Variants in TACR1 observed in about 807,000 individuals in gnomAD.
The protein encoded by TACR1 is tachykinin receptor 1.
Under a neutral mutation model 35.8 loss-of-function variants are expected in TACR1, and 25 were observed. The observed-to-expected ratio is 0.70, with a 90% CI of 0.51 to 0.98. TACR1 has a LOEUF of 0.98. TACR1 is among the 50% of genes least tolerant of loss of function. The pLI is 0.00. For synonymous variants in TACR1, 195 were observed against 206.7 expected (o/e 0.94, Z 0.48); for missense variants, 478 against 522.9 (o/e 0.91, Z 0.84).
At chr2:75,074,034 T>C (rs2103820707) in intron 2 of TACR1, among the ~76,000 whole-genome samples, 2 of 152,348 alleles carry the variant, frequency 1.3e-5, no homozygotes, top group African/African-American at 4.8e-5. Context: ...TGATATTATA[T>C]AGTATGGTTA....
chr2:75,170,907 T>C (rs1268968224), intron 1 of TACR1, among the ~76,000 whole-genome samples: 3 of 152,148 alleles, frequency 2.0e-5, no homozygotes, highest in Non-Finnish European at 4.4e-5. Flanking sequence ...CACAAAGATA[T>C]GGTTTGGAAT....
chr2:75,054,357 A>C (rs1672532531), intron 2 of TACR1, among the ~76,000 whole-genome samples: 2 of 152,238 alleles, frequency 1.3e-5, no homozygotes, highest in Non-Finnish European at 2.9e-5. Context: ...GAGAGATAAG[A>C]GTAATCCTAG....
chr2:75,081,852 A>G (rs2103834423), intron 2 of TACR1, among the ~76,000 whole-genome samples: 1 of 151,366 alleles, frequency 6.6e-6, no homozygotes, highest in South Asian at 2.1e-4. Context: ...TGTTAGTTAT[A>G]GGTCTGAGTG....
intron 2 of TACR1, among the ~76,000 whole-genome samples, chr2:75,087,751 C>G (rs1198036454): frequency 6.6e-6 from 1 of 152,184 alleles, no homozygotes; most frequent in Non-Finnish European, 1.5e-5. Context: ...CTGCTGAAGT[C>G]CAGTCATTTA....
At position 75,146,273 on chromosome 2, in the gene TACR1, C is replaced by T. The variant is rs372569750; in HGVS notation, c.390-25505G>A. Among the ~76,000 whole-genome samples, 10 of 152,178 alleles carry T rather than the reference C, an allele frequency of 6.6e-5. No homozygotes were observed. In the East Asian group the frequency reaches 7.7e-4, roughly 12 times the overall value. ...GAGTAGCTGGGATTACAGGCATGTG[C>T]CACTATGCCTGGCTAATTTTTGTAT... On this transcript the variant is annotated intron_variant, in intron 1 of 4. Transcript: ENST00000305249.
rs1374999424 is a variant in TACR1 at position 75,109,943 on chromosome 2, T to C, written c.584+10631A>G. On this transcript the variant is annotated intron_variant, in intron 2 of 4. Coordinates refer to ENST00000305249, the MANE Select transcript of TACR1 (RefSeq NM_001058.4). ...GAAAAGAGGGCAGGCCATTAAAAAA[T>C]GTTGTTTTTAAAGGAGAATTTCCCT... Among the ~76,000 whole-genome samples the C allele has an allele frequency of 3.3e-5, 5 of 152,118 alleles. No individual in the cohort carries two copies. The East Asian group carries it at 9.6e-4, about 29-fold the overall frequency.
chr2:75,074,990 G>A (rs563897818), intron 2 of TACR1, among the ~76,000 whole-genome samples: 1 of 152,322 alleles, frequency 6.6e-6, no homozygotes, highest in South Asian at 2.1e-4. Flanking sequence ...GAAGCACTGA[G>A]AACCTGCTGT....
At chr2:75,153,205 C>T (rs1468152509) in intron 1 of TACR1, among the ~76,000 whole-genome samples, 1 of 152,182 alleles carries the variant, frequency 6.6e-6, no homozygotes, top group Non-Finnish European at 1.5e-5. Flanking sequence ...CAGCCTAAGA[C>T]TTCTTATAAG....
intron 1 of TACR1, among the ~76,000 whole-genome samples, chr2:75,155,085 C>T: frequency 6.6e-6 from 1 of 152,190 alleles, no homozygotes; most frequent in East Asian, 1.9e-4. Flanking sequence ...GGCTGTTACA[C>T]TTTGACCTCC....
At chr2:75,117,546 A>T (rs931144930) in intron 2 of TACR1, among the ~76,000 whole-genome samples, 1 of 152,176 alleles carries the variant, frequency 6.6e-6, no homozygotes, top group Non-Finnish European at 1.5e-5. Flanking sequence ...TGAGGACTTC[A>T]TATAGGTTAT....
At chr2:75,068,483 G>A (rs190548152) in intron 2 of TACR1, among the ~76,000 whole-genome samples, 15 of 152,188 alleles carry the variant, frequency 9.9e-5, no homozygotes, top group Admixed American at 9.8e-4. Flanking sequence ...GAAAGAGCTG[G>A]GAAAACCCAG....
Position 75,070,774 on chromosome 2 carries a change from C to T in TACR1, c.585-17019G>A, listed in dbSNP as rs145327587. ...GCTGAGATACAGACAGGTAAGCAGG[C>T]TATGCATAGCCATGCATCTGGTGAG... On this transcript the variant is annotated intron_variant, in intron 2 of 4. Transcript: ENST00000305249. Among the ~76,000 whole-genome samples, 125 of 152,330 alleles carry T rather than the reference C, an allele frequency of 8.2e-4. 8 individuals are homozygous for T. The East Asian group carries it at 0.014, about 17-fold the overall frequency.
chr2:75,101,338 A>G (rs1673530293), intron 2 of TACR1, among the ~76,000 whole-genome samples: 1 of 152,190 alleles, frequency 6.6e-6, no homozygotes, highest in Non-Finnish European at 1.5e-5. Flanking sequence ...CATATTAGTA[A>G]TACTAATAAA....
At chr2:75,058,631 G>A (rs908933704) in intron 2 of TACR1, among the ~76,000 whole-genome samples, 5 of 152,234 alleles carry the variant, frequency 3.3e-5, no homozygotes, top group Admixed American at 2.6e-4. Flanking sequence ...ATTAAATCCT[G>A]CTGATGAGCT....
At chr2:75,115,839 G>A (rs942865012) in intron 2 of TACR1, among the ~76,000 whole-genome samples, 50 of 142,814 alleles carry the variant, frequency 3.5e-4, no homozygotes, top group Non-Finnish European at 6.3e-4. Flanking sequence ...CCTGGGAGGC[G>A]GAGCTTGCAG....
At chr2:75,075,552 C>T (rs6716930) in intron 2 of TACR1, among the ~76,000 whole-genome samples, 6,377 of 152,172 alleles carry the variant, frequency 0.042, 431 homozygotes, top group African/African-American at 0.14. Flanking sequence ...TACATATATG[C>T]TATATACATT....
At chr2:75,159,539 G>C (rs911299407) in intron 1 of TACR1, among the ~76,000 whole-genome samples, 2 of 152,062 alleles carry the variant, frequency 1.3e-5, no homozygotes, top group Non-Finnish European at 1.5e-5. Flanking sequence ...GGAAGTTACA[G>C]GCAGGAAAAA....
intron 2 of TACR1, among the ~76,000 whole-genome samples, chr2:75,081,115 A>G (rs1420554198): frequency 6.6e-6 from 1 of 152,214 alleles, no homozygotes; most frequent in African/African-American, 2.4e-5. Context: ...TCACCACACC[A>G]GAGGTGCTAG....
chr2:75,143,525 T>A (rs1674449579), intron 1 of TACR1, among the ~76,000 whole-genome samples: 1 of 152,222 alleles, frequency 6.6e-6, no homozygotes, highest in Admixed American at 6.5e-5. Context: ...TTGTCTGAAA[T>A]GTTCAGCATC....
Sources: gnomAD v4.1 joint callset for allele counts (sites outside exome capture counted in the v4.1 genomes callset) on GRCh38, gnomAD v4.1.1 for gene constraint, MANE v1.5 for transcripts, NCBI Gene and HGNC (gene_info 2026-07-23, HGNC 2026-07-21) for gene names.